DCUN1D4: variants seen among roughly 807,000 people sequenced by gnomAD.
The protein encoded by DCUN1D4 is defective in cullin neddylation 1 domain containing 4, also known as DCN1-like protein 4.
A neutral mutation model predicts 47.9 loss-of-function variants in DCUN1D4; 22 were observed. The observed-to-expected ratio is 0.46, with a 90% CI of 0.33 to 0.66. The LOEUF (loss-of-function observed/expected upper bound fraction) is 0.66. Ranked by LOEUF, DCUN1D4 falls within the 30% of genes least tolerant of loss-of-function variation. The pLI is 0.02. For missense variants in DCUN1D4, 301 were observed against 340.8 expected, an observed-to-expected ratio of 0.88 and a Z score of 0.92; for synonymous variants, 121 against 112.2, an observed-to-expected ratio of 1.08 and a Z score of -0.50.
At chr4:51,844,668 C>CG (rs975295677) in intron 1 of DCUN1D4, among the ~76,000 whole-genome samples, 12 of 151,140 alleles carry the variant, frequency 7.9e-5, no homozygotes, top group South Asian at 2.1e-4. Context: ...GCCCCACGCC[C>CG]GGGGGGCGCG....
chr4:51,893,022 A>G (rs531824651), intron 7 of DCUN1D4, among the ~76,000 whole-genome samples: 4 of 152,340 alleles, frequency 2.6e-5, no homozygotes, highest in East Asian at 1.9e-4. Flanking sequence ...ACTGTTCACT[A>G]TTCTCCCATT....
At chr4:51,862,135 T>G (rs1318609648) in intron 1 of DCUN1D4, among the ~76,000 whole-genome samples, 1 of 152,256 alleles carries the variant, frequency 6.6e-6, no homozygotes, top group East Asian at 1.9e-4. Context: ...TCTGGCTGTC[T>G]CTCAGCACAA....
At chr4:51,863,582 T>A in intron 2 of DCUN1D4, 75 bp downstream of exon 2, 2 of 1,579,784 alleles carry the variant, frequency 1.3e-6, no homozygotes, top group Non-Finnish European at 1.7e-6. Context: ...TTGATAAAAA[T>A]TTAGATTCTA....
intron 9 of DCUN1D4, among the ~76,000 whole-genome samples, chr4:51,911,396 GA>G (rs1239820728): frequency 6.6e-6 from 1 of 152,094 alleles, no homozygotes; most frequent in Non-Finnish European, 1.5e-5. Context: ...AAATGCATCC[GA>G]AACAGCCACA....
At chr4:51,845,020 CT>C in intron 1 of DCUN1D4, 1 of 985,510 alleles carries the variant, frequency 1.0e-6, no homozygotes, top group Non-Finnish European at 1.2e-6. Context: ...CCTCTTCACG[CT>C]TAGGTTCTTG....
At chr4:51,834,099 C>CTTTTTTTTTTTTTTTTTTTTTTTT in the DCUN1D4 span, among the ~76,000 whole-genome samples, 2 of 40,828 alleles carry the variant, frequency 4.9e-5, no homozygotes, top group African/African-American at 2.6e-4. Context: ...TTCTTTTCTT[C>CTTTTTTTTTTTTTTTTTTTTTTTT]TTTCTTTTTT....
Position 51,866,547 on chromosome 4 carries a change from G to A in DCUN1D4, c.136+2838G>A, listed in dbSNP as rs377163848. Among the ~76,000 whole-genome samples, 30 of 152,088 alleles carry A rather than the reference G, an allele frequency of 2.0e-4. No homozygotes were observed. The East Asian group carries it at 5.6e-3, about 28-fold the overall frequency. Reference sequence around the variant, plus strand: ...ATGACTGTAATTTTCTAATCCATGGGTATTTTATAATACGTTCCTTCAGCC... The same window carrying A: ...ATGACTGTAATTTTCTAATCCATGGATATTTTATAATACGTTCCTTCAGCC... On this transcript the variant is annotated intron_variant, in intron 3 of 10. Coordinates refer to ENST00000334635, the MANE Select transcript of DCUN1D4 (RefSeq NM_001040402.3).
chr4:51,881,671 A>C (rs548189149), intron 5 of DCUN1D4, among the ~76,000 whole-genome samples: 1 of 151,624 alleles, frequency 6.6e-6, no homozygotes, highest in South Asian at 2.1e-4. Context: ...AAAAAAAAAA[A>C]AAAAAACAAG....
At chr4:51,910,429 C>T (rs1177119893) in intron 8 of DCUN1D4, among the ~76,000 whole-genome samples, 1 of 152,082 alleles carries the variant, frequency 6.6e-6, no homozygotes, top group East Asian at 1.9e-4. Context: ...AAATTTACGT[C>T]TAAGAAATCT....
At chr4:51,882,640 A>C (rs1293292809) in intron 5 of DCUN1D4, among the ~76,000 whole-genome samples, 2 of 152,006 alleles carry the variant, frequency 1.3e-5, no homozygotes, top group African/African-American at 4.8e-5. Flanking sequence ...GGTGGCGGGC[A>C]CCTGTAGTCC....
intron 8 of DCUN1D4, among the ~76,000 whole-genome samples, chr4:51,906,635 G>A (rs1560518835): frequency 6.6e-6 from 1 of 152,140 alleles, no homozygotes; most frequent in East Asian, 1.9e-4. Context: ...CAGAAGGTAG[G>A]CCTGGGTGAC....
chr4:51,871,348 G>T (rs918510400), intron 3 of DCUN1D4, among the ~76,000 whole-genome samples: 1 of 152,182 alleles, frequency 6.6e-6, no homozygotes, highest in Non-Finnish European at 1.5e-5. Context: ...TTGTGTATTT[G>T]CCAAAAACAT....
chr4:51,841,464 G>A (rs1032633973), upstream of DCUN1D4, among the ~76,000 whole-genome samples: 1 of 152,092 alleles, frequency 6.6e-6, no homozygotes, highest in African/African-American at 2.4e-5. Flanking sequence ...CCATCACTGT[G>A]GGGCCCCGCT....
intron 5 of DCUN1D4, among the ~76,000 whole-genome samples, chr4:51,885,563 T>C (rs1210906067): frequency 1.3e-5 from 2 of 152,100 alleles, no homozygotes; most frequent in Admixed American, 1.3e-4. Flanking sequence ...GTTACGGCAG[T>C]TAAACAGGAG....
At chr4:51,845,250 G>A in intron 1 of DCUN1D4, 2 of 985,384 alleles carry the variant, frequency 2.0e-6, no homozygotes, top group Non-Finnish European at 2.4e-6. Flanking sequence ...GGAGGTACAC[G>A]TAACCCTTGT....
chr4:51,851,008 A>G (rs1723282553), intron 1 of DCUN1D4, among the ~76,000 whole-genome samples: 1 of 152,182 alleles, frequency 6.6e-6, no homozygotes, highest in African/African-American at 2.4e-5. Context: ...CAAAGGATTA[A>G]ATGAGATGAA....
At chr4:51,879,138 C>A (rs1293814491) in intron 5 of DCUN1D4, among the ~76,000 whole-genome samples, 1 of 152,108 alleles carries the variant, frequency 6.6e-6, no homozygotes, top group African/African-American at 2.4e-5. Flanking sequence ...CTAATGGATT[C>A]TCTGTCATTT....
At chr4:51,882,466 G>A (rs541072637) in intron 5 of DCUN1D4, among the ~76,000 whole-genome samples, 3 of 152,254 alleles carry the variant, frequency 2.0e-5, no homozygotes, top group African/African-American at 7.2e-5. Context: ...GGCTTGCTAG[G>A]CTCAAGAATA....
At chr4:51,896,804 T>C (rs1032762654) in intron 7 of DCUN1D4, among the ~76,000 whole-genome samples, 1 of 152,186 alleles carries the variant, frequency 6.6e-6, no homozygotes, top group Non-Finnish European at 1.5e-5. Context: ...AGAGTGAGCT[T>C]GTCAAGATGC....
Sources: gnomAD v4.1 joint callset for allele counts (sites outside exome capture counted in the v4.1 genomes callset) on GRCh38, gnomAD v4.1.1 for gene constraint, MANE v1.5 for transcripts, NCBI Gene and HGNC (gene_info 2026-07-23, HGNC 2026-07-21) for gene names.